Variants in RALGAPA1 observed in about 807,000 individuals in gnomAD.
RALGAPA1 encodes ral GTPase-activating protein subunit alpha-1.
Under a neutral mutation model 269.6 loss-of-function variants are expected in RALGAPA1, and 52 were observed. That is an observed-to-expected ratio of 0.19 (90% CI 0.15 to 0.24). The LOEUF is 0.24. RALGAPA1 is among the 10% of genes least tolerant of loss of function. The pLI is 1.00. For synonymous variants in RALGAPA1, 817 were observed against 1,008.3 expected (o/e 0.81, Z 3.60); for missense variants, 1,917 against 3,013.9 (o/e 0.64, Z 8.52).
chr14:35,739,993 T>C (rs2071398955), intron 11 of RALGAPA1, among the ~76,000 whole-genome samples: 1 of 152,186 alleles, frequency 6.6e-6, no homozygotes, highest in Admixed American at 6.5e-5. Context: ...TTCTGTCTCA[T>C]CTACTCTACG....
At chr14:35,634,473 G>C (rs72668482) in intron 33 of RALGAPA1, 101 bp downstream of exon 33, 17,151 of 906,266 alleles carry the variant, frequency 0.019, 191 homozygotes, top group Middle Eastern at 0.029. Context: ...CAACTACAAA[G>C]TAAGACATAC....
chr14:35,552,410 T>C (rs1015738874), intron 39 of RALGAPA1, among the ~76,000 whole-genome samples: 2 of 152,160 alleles, frequency 1.3e-5, no homozygotes, highest in African/African-American at 4.8e-5. Context: ...GAAGAGTTAT[T>C]AGTACATATA....
At chr14:35,801,595 TAA>T (rs896191785) in intron 1 of RALGAPA1, among the ~76,000 whole-genome samples, 14 of 152,138 alleles carry the variant, frequency 9.2e-5, no homozygotes, top group Admixed American at 3.3e-4. Flanking sequence ...AAAAGGATAA[TAA>T]GAGAGTATAA....
chr14:35,757,123 T>TATTA (rs1567167426), intron 6 of RALGAPA1, among the ~76,000 whole-genome samples: 1 of 144,454 alleles, frequency 6.9e-6, no homozygotes, highest in East Asian at 2.0e-4. Context: ...ATTATTATTT[T>TATTA]TTTTTTTTTT....
chr14:35,607,161 T>G (rs918407170), intron 35 of RALGAPA1, among the ~76,000 whole-genome samples: 1 of 152,228 alleles, frequency 6.6e-6, no homozygotes, highest in Non-Finnish European at 1.5e-5. Flanking sequence ...CAGGGAAATA[T>G]TCATTCAAGG....
intron 3 of RALGAPA1, among the ~76,000 whole-genome samples, chr14:35,771,851 A>G (rs1207379510): frequency 6.6e-6 from 1 of 152,130 alleles, no homozygotes; most frequent in Admixed American, 6.6e-5. Context: ...TAGAATTTCT[A>G]TATTGTGGAT....
At chr14:35,651,681 C>T in intron 31 of RALGAPA1, 124 bp downstream of exon 31, 1 of 790,660 alleles carries the variant, frequency 1.3e-6, no homozygotes, top group Non-Finnish European at 1.8e-6. Flanking sequence ...AGGCATTTCA[C>T]ATTATAGTAG....
chr14:35,550,536 T>C (rs1252137430), intron 39 of RALGAPA1, among the ~76,000 whole-genome samples: 2 of 152,140 alleles, frequency 1.3e-5, no homozygotes, highest in African/African-American at 4.8e-5. Flanking sequence ...GAGAGGAAGA[T>C]AATTTTAAAT....
At chr14:35,672,527 G>A (rs535140493) in intron 25 of RALGAPA1, among the ~76,000 whole-genome samples, 1 of 152,046 alleles carries the variant, frequency 6.6e-6, no homozygotes, top group Non-Finnish European at 1.5e-5. Flanking sequence ...TCAAGTATCA[G>A]TCACAAAATG....
rs2058889778 is a variant in RALGAPA1 at position 35,595,691 on chromosome 14, T to C, written c.7152A>G (p.Val2384=). 2.5e-6 allele frequency: 4 copies of C among 1,612,834 alleles called. No homozygotes were observed. Among genetic ancestry groups the C allele is most frequent in the Non-Finnish European group, 3.4e-6 (4 of 1,179,124 alleles). ...TPYFATSTVE[V]IFHVSTRMPS... ...GCATTCTTGTTGACACGTGAAATAT[T>C]ACCTCTACTGTAGAGGTAGCAAAAT... The change falls in exon 37 of 42, where the codon GTA becomes GTG. Residue 2384 remains valine, a synonymous_variant. Coordinates refer to ENST00000680220, the MANE Select transcript of RALGAPA1 (RefSeq NM_001346249.2).
intron 1 of RALGAPA1, among the ~76,000 whole-genome samples, chr14:35,801,665 C>T (rs2076989162): frequency 6.6e-6 from 1 of 152,120 alleles, no homozygotes; most frequent in Non-Finnish European, 1.5e-5. Context: ...TTTATACCAA[C>T]AGAAACAGAA....
intron 36 of RALGAPA1, among the ~76,000 whole-genome samples, chr14:35,604,287 G>A (rs544955176): frequency 3.3e-5 from 5 of 151,864 alleles, no homozygotes; most frequent in South Asian, 4.2e-4. Context: ...TACCTATACT[G>A]GGTTATATTA....
intron 19 of RALGAPA1, 104 bp from the exon 20 acceptor site, chr14:35,685,249 G>C: frequency 9.7e-7 from 1 of 1,028,988 alleles, no homozygotes; most frequent in Non-Finnish European, 1.4e-6. Flanking sequence ...CTGAGATTTA[G>C]AGGCTGAAGT....
rs533297301 is a variant in RALGAPA1 at position 35,736,763 on chromosome 14, C to T, written c.1587+1750G>A. On this transcript the variant is annotated intron_variant, in intron 12 of 41. Coordinates refer to ENST00000680220, the MANE Select transcript of RALGAPA1 (RefSeq NM_001346249.2). The stretch of plus-strand genomic sequence containing the variant: ...TAAAAAGTGAATGATTGGCCAGGCA[C>T]AGTGGCTCATGCCTATAATCCCAAC... Among the ~76,000 whole-genome samples, 168 of 152,312 alleles carry T rather than the reference C, an allele frequency of 1.1e-3. 1 individual carries two copies. The highest frequency in any genetic ancestry group is 4.0e-3 in the African/African-American group (167 of 41,584).
At chr14:35,781,482 T>C (rs974787664) in intron 1 of RALGAPA1, among the ~76,000 whole-genome samples, 5 of 152,122 alleles carry the variant, frequency 3.3e-5, no homozygotes, top group Non-Finnish European at 7.4e-5. Context: ...TATTCTCATA[T>C]GAAAATCAGA....
At chr14:35,782,828 G>GTC (rs758382343) in intron 1 of RALGAPA1, among the ~76,000 whole-genome samples, 5 of 151,566 alleles carry the variant, frequency 3.3e-5, no homozygotes, top group Non-Finnish European at 5.9e-5. Flanking sequence ...AGTCAAAACA[G>GTC]TATTTTTTTT....
chr14:35,571,074 T>C (rs1023255085), intron 38 of RALGAPA1, among the ~76,000 whole-genome samples: 52 of 152,326 alleles, frequency 3.4e-4, no homozygotes, highest in African/African-American at 1.2e-3. Context: ...CTTTTCTCCA[T>C]TGAGTGAACA....
intron 39 of RALGAPA1, among the ~76,000 whole-genome samples, chr14:35,570,193 C>T (rs1242686117): frequency 6.6e-6 from 1 of 151,794 alleles, no homozygotes; most frequent in Non-Finnish European, 1.5e-5. Context: ...TTGCTTGAAC[C>T]CCAGAGTCGG....
intron 4 of RALGAPA1, among the ~76,000 whole-genome samples, chr14:35,770,555 A>G (rs1009466686): frequency 3.9e-5 from 6 of 152,204 alleles, no homozygotes; most frequent in African/African-American, 1.4e-4. Context: ...ACTAGCAAAC[A>G]ATAAGTAAAT....
Sources: gnomAD v4.1 joint callset for allele counts (sites outside exome capture counted in the v4.1 genomes callset) on GRCh38, gnomAD v4.1.1 for gene constraint, MANE v1.5 for transcripts, NCBI Gene and HGNC (gene_info 2026-07-23, HGNC 2026-07-21) for gene names.